The following SIRT5 variants were observed in gnomAD, a reference collection of about 807,000 sequenced individuals.
SIRT5 encodes sirtuin 5, also known as NAD-dependent protein deacylase sirtuin-5, mitochondrial.
Under a neutral mutation model 40.0 loss-of-function variants are expected in SIRT5, and 26 were observed. The ratio of observed to expected loss-of-function variants is 0.65; its 90% confidence interval spans 0.48 to 0.90. SIRT5 has a LOEUF of 0.90. Among genes scored for constraint, SIRT5 ranks in the 40% least tolerant of loss-of-function variants. The pLI is 0.00. For missense variants in SIRT5, 401 were observed against 402.4 expected (o/e 1.00, Z 0.03); for synonymous variants, 146 against 149.1 (o/e 0.98, Z 0.15).
chr6:13,590,373 G>C (rs1437625270), intron 4 of SIRT5, among the ~76,000 whole-genome samples: 1 of 152,182 alleles, frequency 6.6e-6, no homozygotes, highest in South Asian at 2.1e-4. Flanking sequence ...TATTTAAAGT[G>C]TATGTATTTT....
intron 7 of SIRT5, 30 bp downstream of exon 7, chr6:13,597,046 G>C: frequency 6.5e-7 from 1 of 1,539,286 alleles, no homozygotes; most frequent in South Asian, 1.2e-5. Flanking sequence ...TTGTACTGGT[G>C]TTCCAGGTTA....
intron 7 of SIRT5, among the ~76,000 whole-genome samples, chr6:13,598,810 A>C (rs1415551728): frequency 7.3e-6 from 1 of 137,550 alleles, no homozygotes; most frequent in East Asian, 2.4e-4. Flanking sequence ...TGGGCAGCAG[A>C]GTGAGACTCC....
rs1410921283 is a variant in SIRT5, at chr6:13,611,226, TATATATATATACACAC to T, written c.858-562_858-547del. On this transcript the variant is annotated intron_variant, in intron 9 of 9. Coordinates refer to ENST00000606117, the MANE Select transcript of SIRT5 (RefSeq NM_012241.5). ...GTGTGTGTATATATATATATATATATATATATATATACACACACACATACACACACACATATATATA... is the reference window on the plus strand; with the variant it reads ...GTGTGTGTATATATATATATATATATACACATACACACACACATATATATA... Among the ~76,000 whole-genome samples the T allele has an allele frequency of 2.3e-3, 299 of 131,454 alleles. 8 individuals are homozygous for T. Among genetic ancestry groups the T allele is most frequent in the African/African-American group, 8.0e-3 (262 of 32,906 alleles). 86.2% of individuals were successfully genotyped at this position (131,454 alleles called of 152,430 possible).
intron 2 of SIRT5, among the ~76,000 whole-genome samples, chr6:13,582,920 T>G (rs1221442815): frequency 6.6e-6 from 1 of 152,202 alleles, no homozygotes; most frequent in Non-Finnish European, 1.5e-5. Context: ...CAGAAACTAC[T>G]TTGGGCTGGG....
In SIRT5 at chr6:13,607,823, G is replaced by A. The variant is rs571381303; in HGVS notation, c.858-3967G>A. 3.3e-4 allele frequency among the ~76,000 whole-genome samples: 51 copies of A among 152,268 alleles called. No homozygotes were observed. The highest frequency in any genetic ancestry group is 1.2e-3 in the African/African-American group (48 of 41,540). On this transcript the variant is annotated intron_variant, in intron 9 of 9. Coordinates refer to ENST00000606117, the MANE Select transcript of SIRT5 (RefSeq NM_012241.5). The surrounding 1 kb of genome is among the most constrained non-coding windows in gnomAD (Gnocchi z 4.0). ...GGCTGGACTGCAGTGGCACGATCTC[G>A]ACTCACTGCAACCTCCGCCTCCCTG...
At chr6:13,597,121 C>T in intron 7 of SIRT5, 105 bp downstream of exon 7, 1 of 814,848 alleles carries the variant, frequency 1.2e-6, no homozygotes, top group South Asian at 1.6e-5. Context: ...CCTCTTAAAT[C>T]AAATGCACAA....
At chr6:13,578,119 T>C (rs1466315360) in intron 1 of SIRT5, among the ~76,000 whole-genome samples, 1 of 152,234 alleles carries the variant, frequency 6.6e-6, no homozygotes, top group African/African-American at 2.4e-5. Flanking sequence ...TTGATTTGTG[T>C]ATGTTGAGCC....
chr6:13,606,861 T>C (rs918338419), intron 9 of SIRT5, among the ~76,000 whole-genome samples: 14 of 152,026 alleles, frequency 9.2e-5, no homozygotes, highest in Non-Finnish European at 1.9e-4. Context: ...TTTGTATTTT[T>C]AGTAGAGACG....
In SIRT5 at chr6:13,599,114, G is replaced by A. The variant is rs753450829; in HGVS notation, c.700G>A (p.Glu234Lys). ...GENLDPAILEEVDRELAHCDL... is the reference protein window; with the variant it reads ...GENLDPAILEKVDRELAHCDL... ...AAACCTGGATCCTGCCATTCTGGAG[G>A]AGGTTGACAGAGAGCTCGCCCACTG... Residue 234 changes from glutamate (E) to lysine (K), a missense_variant, in exon 8 of 10, where the codon GAG becomes AAG. By Grantham distance (56) the Glu-to-Lys change is moderately conservative. Transcript: ENST00000606117. The A allele has an allele frequency of 3.7e-6, 6 of 1,614,020 alleles. No homozygotes were observed. In the African/African-American group the frequency reaches 8.0e-5, roughly 22 times the overall value.
At position 13,599,052 on chromosome 6, in the gene SIRT5, G is replaced by A; in HGVS notation, c.638G>A (p.Gly213Glu). 6.2e-7 allele frequency: 1 copy of A among 1,614,044 alleles called. No homozygotes were observed. The highest frequency in any genetic ancestry group is 8.5e-7 in the Non-Finnish European group (1 of 1,179,990). The stretch of plus-strand genomic sequence containing the variant: ...TCCAGGTGTGAAGAGGCAGGCTGCG[G>A]GGGCTTGCTGCGACCTCACGTCGTG... ...KLPRCEEAGC[G>E]GLLRPHVVWF... Residue 213 changes from glycine to glutamate, a missense_variant, in exon 8 of 10, where the codon GGG (glycine) becomes GAG (glutamate). Coordinates refer to ENST00000606117, the MANE Select transcript of SIRT5 (RefSeq NM_012241.5).
intron 9 of SIRT5, among the ~76,000 whole-genome samples, chr6:13,611,205 GTGTATATATATA>G (rs574943233): frequency 0.047 from 5,008 of 107,056 alleles, 212 homozygotes; most frequent in South Asian, 0.16. Context: ...ATGTGTGTGT[GTGTATATATATA>G]TATATATATA....
At position 13,613,151 on chromosome 6, in the gene SIRT5, A is replaced by G. The variant is rs751778517; in HGVS notation, c.*1286A>G. 1 of 152,256 alleles carries G rather than the reference A, an allele frequency of 6.6e-6. No homozygotes were observed. Among genetic ancestry groups the G allele is most frequent in the Non-Finnish European group, 1.5e-5 (1 of 68,088 alleles). 9.4% of individuals were successfully genotyped at this position (152,256 alleles called of 1,614,324 possible). ...CTTATAAAAAGCATGCAGTTTACAT[A>G]GCACTTTCACTCAGCACCCTCCCCT... On this transcript the variant is annotated 3_prime_UTR_variant, in exon 10 of 10. Transcript: ENST00000606117.
chr6:13,600,982 T>G (rs1762300987), intron 9 of SIRT5, 33 bp downstream of exon 9: 7 of 1,531,028 alleles, frequency 4.6e-6, no homozygotes, highest in Non-Finnish European at 6.3e-6. Flanking sequence ...GAGGGAGATG[T>G]GGGAGGCAGG....
At chr6:13,593,927 C>G (rs1276970544) in intron 5 of SIRT5, among the ~76,000 whole-genome samples, 1 of 152,140 alleles carries the variant, frequency 6.6e-6, no homozygotes. Context: ...CAGTTTCATG[C>G]TCTGTGTCTC....
intron 9 of SIRT5, among the ~76,000 whole-genome samples, chr6:13,608,848 G>A (rs1007572955): frequency 8.1e-5 from 12 of 149,058 alleles, no homozygotes; most frequent in African/African-American, 2.7e-4. Flanking sequence ...TTGAGATGGA[G>A]TTTTGCTCTT....
intron 1 of SIRT5, among the ~76,000 whole-genome samples, chr6:13,576,817 G>C (rs1224379720): frequency 6.6e-6 from 1 of 152,146 alleles, no homozygotes; most frequent in East Asian, 1.9e-4. Flanking sequence ...ATTTTGAGTT[G>C]ATTTTTGTAT....
chr6:13,579,653 G>C (rs902571026), intron 2 of SIRT5, 44 bp downstream of exon 2: 1 of 152,216 alleles, frequency 6.6e-6, no homozygotes, highest in Admixed American at 6.5e-5. Context: ...ACTTCATGCA[G>C]CATATAAGAA....
intron 1 of SIRT5, among the ~76,000 whole-genome samples, chr6:13,576,046 C>T (rs1002276862): frequency 1.1e-4 from 16 of 152,120 alleles, no homozygotes; most frequent in Non-Finnish European, 1.8e-4. Context: ...TTTCTTTATC[C>T]GGTCCTCAGT....
At position 13,588,391 on chromosome 6, in the gene SIRT5, C is replaced by T. The variant is rs934385923; in HGVS notation, c.176C>T (p.Ala59Val). Reference sequence around the variant, plus strand: ...AAGCACATAGTCATCATCTCAGGAGCTGGTGTTAGTGCAGAAAGTGGTGTT... The same window carrying T: ...AAGCACATAGTCATCATCTCAGGAGTTGGTGTTAGTGCAGAAAGTGGTGTT... ...KAKHIVIISGAGVSAESGVPT... is the reference protein window; with the variant it reads ...KAKHIVIISGVGVSAESGVPT... The change falls in exon 4 of 10, where the codon GCT (alanine) becomes GTT (valine). Residue 59 changes from alanine to valine, a missense_variant. By Grantham distance (64) the Ala-to-Val change is moderately conservative. Transcript: ENST00000606117. The T allele has an allele frequency of 6.2e-7, 1 of 1,614,022 alleles. No individual in the cohort carries two copies. Among genetic ancestry groups the T allele is most frequent in the African/African-American group, 1.3e-5 (1 of 74,888 alleles).
Sources: gnomAD v4.1 joint callset for allele counts (sites outside exome capture counted in the v4.1 genomes callset) on GRCh38, gnomAD v4.1.1 for gene constraint, Gnocchi (gnomAD v3.1) non-coding constraint, MANE v1.5 for transcripts, NCBI Gene and HGNC (gene_info 2026-07-23, HGNC 2026-07-21) for gene names.